The following CRPPA variants were observed in gnomAD, a reference collection of about 807,000 sequenced individuals.
The protein encoded by CRPPA is D-ribitol-5-phosphate cytidylyltransferase.
A neutral mutation model predicts 52.0 loss-of-function variants in CRPPA; 43 were observed. The observed-to-expected ratio is 0.83, with a 90% CI of 0.65 to 1.07. The LOEUF is 1.07. CRPPA is among the 50% of genes least tolerant of loss of function. CRPPA has a pLI of 0.00. For synonymous variants in CRPPA, 250 were observed against 203.5 expected, an observed-to-expected ratio of 1.23 and a Z score of -1.94; for missense variants, 629 against 551.7, an observed-to-expected ratio of 1.14 and a Z score of -1.40.
At chr7:16,227,751 G>A (rs1782688830) in intron 8 of CRPPA, among the ~76,000 whole-genome samples, 1 of 151,794 alleles carries the variant, frequency 6.6e-6, no homozygotes, top group African/African-American at 2.4e-5. Context: ...AGTTTGATGT[G>A]ACACCAATTT....
At chr7:16,402,866 A>C (rs1359787338) in intron 2 of CRPPA, among the ~76,000 whole-genome samples, 1 of 152,166 alleles carries the variant, frequency 6.6e-6, no homozygotes, top group Non-Finnish European at 1.5e-5. Flanking sequence ...AAATGGGCAG[A>C]ATCAATATTC....
intron 2 of CRPPA, among the ~76,000 whole-genome samples, chr7:16,400,523 A>G (rs1304545649): frequency 6.6e-6 from 1 of 152,216 alleles, no homozygotes; most frequent in Non-Finnish European, 1.5e-5. Flanking sequence ...CGACTGGCAC[A>G]TGATTGACAC....
intron 9 of CRPPA, among the ~76,000 whole-genome samples, chr7:16,110,455 A>T (rs1782238039): frequency 6.6e-6 from 1 of 152,090 alleles, no homozygotes; most frequent in Non-Finnish European, 1.5e-5. Flanking sequence ...AAAAACCTTG[A>T]ATAGCCAAGG....
At chr7:16,235,419 C>T (rs1306588981) in intron 8 of CRPPA, among the ~76,000 whole-genome samples, 1 of 151,990 alleles carries the variant, frequency 6.6e-6, no homozygotes, top group African/African-American at 2.4e-5. Flanking sequence ...CTGTGGCAAA[C>T]TAGGTCATTT....
chr7:16,124,036 A>G (rs747851720), intron 9 of CRPPA, among the ~76,000 whole-genome samples: 4 of 151,948 alleles, frequency 2.6e-5, no homozygotes, highest in Non-Finnish European at 4.4e-5. Flanking sequence ...TCCCTATCAC[A>G]TACTCATTTC....
At chr7:16,208,869 A>T (rs1782039434) in intron 9 of CRPPA, 1 of 207,980 alleles carries the variant, frequency 4.8e-6, no homozygotes, top group Admixed American at 5.3e-5. Context: ...GGGCACTTAG[A>T]AAATAAGCTG....
chr7:16,337,427 A>T (rs1183092040), intron 3 of CRPPA, among the ~76,000 whole-genome samples: 1 of 152,160 alleles, frequency 6.6e-6, no homozygotes, highest in Non-Finnish European at 1.5e-5. Flanking sequence ...GAAAATGGGA[A>T]CACAACATAC....
intron 3 of CRPPA, among the ~76,000 whole-genome samples, chr7:16,317,215 G>T (rs561921872): frequency 1.3e-5 from 2 of 152,216 alleles, no homozygotes; most frequent in African/African-American, 4.8e-5. Flanking sequence ...TCAGACTCTG[G>T]ACAAGCTATT....
intron 8 of CRPPA, chr7:16,216,582 G>A (rs10267017): frequency 0.24 from 48,144 of 198,622 alleles, 6,304 homozygotes; most frequent in South Asian, 0.45. Context: ...CAGTGGGTGC[G>A]CGCACCGTGC....
At chr7:16,129,463 C>A (rs1390662593) in intron 9 of CRPPA, among the ~76,000 whole-genome samples, 2 of 152,096 alleles carry the variant, frequency 1.3e-5, no homozygotes, top group African/African-American at 4.8e-5. Context: ...TCAAATCCAT[C>A]CATCTTAGGC....
At chr7:16,371,690 G>C (rs944580310) in intron 3 of CRPPA, among the ~76,000 whole-genome samples, 5 of 151,570 alleles carry the variant, frequency 3.3e-5, no homozygotes, top group African/African-American at 1.2e-4. Context: ...TAGATCCCAA[G>C]CAATGGATAC....
intron 9 of CRPPA, among the ~76,000 whole-genome samples, chr7:16,183,472 ACAGTCTCAGGCTGTTAC>A (rs1445243361): frequency 6.6e-6 from 1 of 152,156 alleles, no homozygotes; most frequent in Admixed American, 6.6e-5. Flanking sequence ...TATGGACTGA[ACAGTCTCAGGCTGTTAC>A]CAGGATTAGC....
At chr7:16,103,683 A>T (rs890214406) in intron 9 of CRPPA, among the ~76,000 whole-genome samples, 1 of 152,272 alleles carries the variant, frequency 6.6e-6, no homozygotes, top group South Asian at 2.1e-4. Flanking sequence ...GGATAAGGGC[A>T]GACAATGAGG....
intron 8 of CRPPA, chr7:16,216,488 G>C (rs183379625): frequency 2.3e-5 from 6 of 264,510 alleles, no homozygotes; most frequent in African/African-American, 2.3e-5. Flanking sequence ...CAGCGTGAGC[G>C]ACGCAGAAGA....
intron 6 of CRPPA, among the ~76,000 whole-genome samples, chr7:16,267,082 C>A (rs559696574): frequency 6.6e-6 from 1 of 152,278 alleles, no homozygotes; most frequent in Non-Finnish European, 1.5e-5. Context: ...TTAAAATGAA[C>A]AAATCCTATC....
intron 3 of CRPPA, among the ~76,000 whole-genome samples, chr7:16,337,063 T>C (rs1031028032): frequency 2.0e-5 from 3 of 152,180 alleles, no homozygotes; most frequent in Middle Eastern, 3.4e-3. Flanking sequence ...CTTTCAAAAA[T>C]GGACCGACCA....
At chr7:16,381,447 C>A (rs11980414) in intron 2 of CRPPA, among the ~76,000 whole-genome samples, 3,293 of 151,818 alleles carry the variant, frequency 0.022, 110 homozygotes, top group African/African-American at 0.074. Context: ...TGGTGTGGTG[C>A]TGAAAAAAAT....
intron 3 of CRPPA, among the ~76,000 whole-genome samples, chr7:16,356,323 T>A (rs1406697409): frequency 2.0e-5 from 3 of 152,158 alleles, no homozygotes; most frequent in Non-Finnish European, 2.9e-5. Flanking sequence ...ATATAGCACA[T>A]CAACAACAAT....
chr7:16,254,788 AGAAG>A lies in CRPPA; in HGVS notation c.1119+3598_1119+3601del, dbSNP rs758618819. ...CAGACACACAGAAAGAAAGAAAGAA[AGAAG>A]GAAAGAAAGAAAGAAAGAAAGAAAG... On this transcript the variant is annotated intron_variant, in intron 8 of 9. Transcript: ENST00000407010. 5.4e-3 allele frequency among the ~76,000 whole-genome samples: 643 copies of A among 118,082 alleles called. 2 individuals are homozygous for A. Among genetic ancestry groups the A allele is most frequent in the Non-Finnish European group, 6.4e-3 (356 of 55,214 alleles). 77.5% of individuals were successfully genotyped at this position (118,082 alleles called of 152,430 possible). A position where few individuals can be genotyped will look rare whatever the true frequency, so the allele number is the denominator to read the frequency against.
Sources: gnomAD v4.1 joint callset for allele counts (sites outside exome capture counted in the v4.1 genomes callset) on GRCh38, gnomAD v4.1.1 for gene constraint, MANE v1.5 for transcripts, NCBI Gene and HGNC (gene_info 2026-07-23, HGNC 2026-07-21) for gene names.